MCU: variants seen among roughly 807,000 people sequenced by gnomAD.
MCU encodes calcium uniporter protein, mitochondrial.
In MCU, 12 loss-of-function variants were observed where a neutral mutation model predicts 45.2. The ratio of observed to expected loss-of-function variants is 0.27; its 90% CI spans 0.17 to 0.43. The LOEUF (loss-of-function observed/expected upper bound fraction) is 0.43. Ranked by LOEUF, MCU falls within the 20% of genes least tolerant of loss-of-function variation. MCU has a pLI of 1.00. For missense variants in MCU, 324 were observed against 436.7 expected, an observed-to-expected ratio of 0.74 and a Z score of 2.30; for synonymous variants, 160 against 165.1, an observed-to-expected ratio of 0.97 and a Z score of 0.24.
chr10:72,780,114 A>C (rs1008244733), intron 1 of MCU, among the ~76,000 whole-genome samples: 1 of 152,228 alleles, frequency 6.6e-6, no homozygotes, highest in African/African-American at 2.4e-5. Flanking sequence ...GGAATGAAAT[A>C]CCGACACATA....
chr10:72,861,963 T>C (rs997919734), intron 4 of MCU, among the ~76,000 whole-genome samples: 1 of 151,096 alleles, frequency 6.6e-6, no homozygotes, highest in African/African-American at 2.4e-5. Flanking sequence ...CCCTCTAAAA[T>C]AGCGTTTTGA....
chr10:72,699,665 C>T (rs1001160193), intron 1 of MCU, among the ~76,000 whole-genome samples: 1 of 150,064 alleles, frequency 6.7e-6, no homozygotes, highest in Non-Finnish European at 1.5e-5. Context: ...TATCTCTGCT[C>T]TCTGCAGTCT....
At chr10:72,742,952 G>A (rs1246358760) in intron 1 of MCU, among the ~76,000 whole-genome samples, 2 of 152,024 alleles carry the variant, frequency 1.3e-5, no homozygotes, top group Non-Finnish European at 2.9e-5. Flanking sequence ...GGGTTAACAA[G>A]TTTTGGTATC....
intron 1 of MCU, among the ~76,000 whole-genome samples, chr10:72,761,255 T>A (rs192599504): frequency 6.6e-6 from 1 of 152,276 alleles, no homozygotes; most frequent in Non-Finnish European, 1.5e-5. Flanking sequence ...CGTCAGAAAA[T>A]GTTGAACAAA....
chr10:72,878,992 G>T (rs1457242987), intron 6 of MCU, among the ~76,000 whole-genome samples: 1 of 152,146 alleles, frequency 6.6e-6, no homozygotes, highest in Non-Finnish European at 1.5e-5. Context: ...GACTGGGCGC[G>T]GTGGCTCACA....
intron 1 of MCU, among the ~76,000 whole-genome samples, chr10:72,778,501 G>A (rs1843934816): frequency 1.3e-5 from 2 of 152,096 alleles, no homozygotes; most frequent in South Asian, 4.1e-4. Context: ...AGTGTAGAAT[G>A]GTAGTTACAG....
At chr10:72,715,913 A>G in intron 1 of MCU, 1 of 984,166 alleles carries the variant, frequency 1.0e-6, no homozygotes, top group Non-Finnish European at 1.2e-6. Flanking sequence ...GTATGTGAAG[A>G]TCATGATTCA....
chr10:72,713,962 TGTG>T, intron 1 of MCU, among the ~76,000 whole-genome samples: 1 of 150,760 alleles, frequency 6.6e-6, no homozygotes, highest in Admixed American at 6.6e-5. Context: ...TGTGTGTGTG[TGTG>T]TGTGTGTGTG....
rs544329606 is a variant in MCU, at chr10:72,782,411, C to T, written c.151-51948C>T. 2.0e-5 allele frequency among the ~76,000 whole-genome samples: 3 copies of T among 152,264 alleles called. No homozygotes were observed. The East Asian group carries it at 5.8e-4, about 29-fold the overall frequency. ...TGGAGATGGAGTTTTGCTCTTGTCACCTGGGCTGGGGTGCAGTGGCGCAGT... is the reference window on the plus strand; with the variant it reads ...TGGAGATGGAGTTTTGCTCTTGTCATCTGGGCTGGGGTGCAGTGGCGCAGT... On this transcript the variant is annotated intron_variant, in intron 1 of 7. Coordinates refer to ENST00000373053, the MANE Select transcript of MCU (RefSeq NM_138357.3).
At chr10:72,879,658 A>G (rs543551135) in intron 6 of MCU, among the ~76,000 whole-genome samples, 2 of 152,366 alleles carry the variant, frequency 1.3e-5, no homozygotes, top group South Asian at 4.1e-4. Flanking sequence ...AAGAGCAACA[A>G]AAATGGTAAA....
intron 6 of MCU, among the ~76,000 whole-genome samples, chr10:72,878,345 C>T (rs1278780460): frequency 6.6e-6 from 1 of 151,954 alleles, no homozygotes; most frequent in Non-Finnish European, 1.5e-5. Flanking sequence ...CGGTCTCAAA[C>T]TCCTGGGCTC....
At chr10:72,830,654 T>C (rs890337238) in intron 1 of MCU, among the ~76,000 whole-genome samples, 9 of 152,340 alleles carry the variant, frequency 5.9e-5, no homozygotes, top group African/African-American at 2.2e-4. Context: ...TTCTCCCTTC[T>C]CTTCTCACAT....
At chr10:72,758,826 C>T (rs1175854627) in intron 1 of MCU, among the ~76,000 whole-genome samples, 4 of 152,024 alleles carry the variant, frequency 2.6e-5, no homozygotes, top group Middle Eastern at 3.4e-3. Context: ...CTCTCTTTTC[C>T]GTAATATTAC....
intron 1 of MCU, among the ~76,000 whole-genome samples, chr10:72,774,825 A>G (rs1196488734): frequency 6.6e-6 from 1 of 152,136 alleles, no homozygotes; most frequent in East Asian, 1.9e-4. Flanking sequence ...AGATAAATAG[A>G]TCAATTCAGC....
intron 1 of MCU, among the ~76,000 whole-genome samples, chr10:72,820,979 C>T (rs773599904): frequency 6.6e-6 from 1 of 151,886 alleles, no homozygotes; most frequent in South Asian, 2.1e-4. Context: ...CCTTTAACAG[C>T]TCAGTATTGA....
At chr10:72,826,211 GA>G (rs1386945674) in intron 1 of MCU, among the ~76,000 whole-genome samples, 5 of 152,168 alleles carry the variant, frequency 3.3e-5, no homozygotes, top group African/African-American at 9.7e-5. Flanking sequence ...GCTCCCAGGT[GA>G]TGCTGATGCC....
chr10:72,810,582 C>A (rs1413785637), intron 1 of MCU, among the ~76,000 whole-genome samples: 2 of 151,242 alleles, frequency 1.3e-5, no homozygotes, highest in Non-Finnish European at 2.9e-5. Context: ...ATTCTCCTGC[C>A]TCAGCCTCCC....
intron 2 of MCU, among the ~76,000 whole-genome samples, chr10:72,858,819 T>C (rs930471541): frequency 1.3e-5 from 2 of 152,198 alleles, no homozygotes; most frequent in African/African-American, 4.8e-5. Context: ...CTATGAAGTC[T>C]AGCCCAGCAA....
intron 2 of MCU, among the ~76,000 whole-genome samples, chr10:72,844,453 T>C (rs1339588059): frequency 6.6e-6 from 1 of 151,736 alleles, no homozygotes; most frequent in Non-Finnish European, 1.5e-5. Flanking sequence ...CCTGTAGTTG[T>C]AGCTACTCAG....
Sources: allele counts gnomAD v4.1 joint callset (sites outside exome capture counted in the v4.1 genomes callset), GRCh38; gene constraint gnomAD v4.1.1; transcripts MANE v1.5; gene names NCBI Gene and HGNC (gene_info 2026-07-23, HGNC 2026-07-21).